Variants in ADAM18 observed in about 807,000 individuals in gnomAD.
ADAM18 encodes the protein ADAM metallopeptidase domain 18.
Under a neutral mutation model 94.4 loss-of-function variants are expected in ADAM18, and 117 were observed. That is an observed-to-expected ratio of 1.24 (90% CI 1.07 to 1.45). ADAM18 has a LOEUF of 1.45. ADAM18 is among the 40% of genes most tolerant of loss of function. The pLI is 0.00. For synonymous variants in ADAM18, 327 were observed against 291.6 expected, an observed-to-expected ratio of 1.12 and a Z score of -1.24; for missense variants, 936 against 880.0, an observed-to-expected ratio of 1.06 and a Z score of -0.81.
chr8:39,696,907 T>A (rs1198322357), intron 17 of ADAM18, among the ~76,000 whole-genome samples: 1 of 151,660 alleles, frequency 6.6e-6, no homozygotes, highest in African/African-American at 2.4e-5. Context: ...CAAAAAAGCA[T>A]CATTGGAATT....
intron 10 of ADAM18, among the ~76,000 whole-genome samples, chr8:39,644,695 A>G (rs1820329873): frequency 6.6e-6 from 1 of 152,090 alleles, no homozygotes; most frequent in Non-Finnish European, 1.5e-5. Context: ...CCAGCCCCCT[A>G]TACGTATACA....
At chr8:39,688,558 A>T (rs563403202) in intron 16 of ADAM18, among the ~76,000 whole-genome samples, 1 of 152,322 alleles carries the variant, frequency 6.6e-6, no homozygotes, top group Admixed American at 6.5e-5. Context: ...TGCAGAAGAC[A>T]TGACCTCATT....
At chr8:39,661,255 C>A (rs995128551) in intron 12 of ADAM18, among the ~76,000 whole-genome samples, 7 of 149,048 alleles carry the variant, frequency 4.7e-5, no homozygotes, top group Non-Finnish European at 8.9e-5. Context: ...TGGGTTCACG[C>A]CATTCTCCTG....
intron 16 of ADAM18, among the ~76,000 whole-genome samples, chr8:39,687,339 A>G (rs1821634069): frequency 6.6e-6 from 1 of 152,242 alleles, no homozygotes; most frequent in South Asian, 2.1e-4. Context: ...TCATCAATGT[A>G]TAACTTTAAA....
Position 39,606,373 on chromosome 8 carries a change from A to G in ADAM18, c.188+11A>G. 6.6e-7 allele frequency: 1 copy of G among 1,512,870 alleles called. No homozygotes were observed. Among genetic ancestry groups the G allele is most frequent in the African/African-American group, 1.4e-5 (1 of 70,808 alleles). The allele number at this position is 1,512,870 out of a possible 1,614,324, so 93.7% of individuals were successfully genotyped here. A position where few individuals can be genotyped will look rare whatever the true frequency, so the allele number is the denominator to read the frequency against. ...ACATCTCGGAAAACAGTAAGATATG[A>G]TTTTTTTTTCATTAAGGAAAAGGGA... On this transcript the variant is annotated intron_variant, in intron 3 of 19. Coordinates refer to ENST00000265707, the MANE Select transcript of ADAM18 (RefSeq NM_014237.3).
intron 16 of ADAM18, among the ~76,000 whole-genome samples, chr8:39,687,822 A>T (rs1229096286): frequency 6.6e-6 from 1 of 152,194 alleles, no homozygotes; most frequent in Non-Finnish European, 1.5e-5. Flanking sequence ...GTGTGACTGC[A>T]TAGTATTCCA....
intron 2 of ADAM18, among the ~76,000 whole-genome samples, chr8:39,590,828 A>G (rs1182140519): frequency 6.6e-6 from 1 of 152,188 alleles, no homozygotes; most frequent in Non-Finnish European, 1.5e-5. Context: ...GCAAGTCACA[A>G]ACTCTCTCAT....
At chr8:39,704,487 C>G (rs924465284) in intron 17 of ADAM18, among the ~76,000 whole-genome samples, 4 of 152,160 alleles carry the variant, frequency 2.6e-5, no homozygotes, top group South Asian at 4.1e-4. Context: ...GCAGAAAAGG[C>G]TTTTGATAAA....
intron 16 of ADAM18, among the ~76,000 whole-genome samples, chr8:39,682,573 C>T (rs1821494247): frequency 6.6e-6 from 1 of 152,134 alleles, no homozygotes; most frequent in Non-Finnish European, 1.5e-5. Flanking sequence ...AAGGAACTCC[C>T]AACATGAGCC....
intron 17 of ADAM18, among the ~76,000 whole-genome samples, chr8:39,693,210 T>A (rs574799281): frequency 6.6e-6 from 1 of 151,696 alleles, no homozygotes; most frequent in East Asian, 1.9e-4. Flanking sequence ...TTTTAAAAAA[T>A]TATTTTCCTA....
At chr8:39,698,684 G>C (rs1380141154) in intron 17 of ADAM18, among the ~76,000 whole-genome samples, 1 of 151,984 alleles carries the variant, frequency 6.6e-6, no homozygotes, top group Admixed American at 6.6e-5. Flanking sequence ...TAACAATGAT[G>C]GTAAGTTTTA....
At chr8:39,665,672 TC>T (rs1488948647) in intron 13 of ADAM18, among the ~76,000 whole-genome samples, 2 of 152,204 alleles carry the variant, frequency 1.3e-5, no homozygotes, top group African/African-American at 4.8e-5. Context: ...CTTTTAAAAA[TC>T]ATTTAAATCA....
intron 6 of ADAM18, among the ~76,000 whole-genome samples, chr8:39,627,121 A>G (rs1819792630): frequency 6.6e-6 from 1 of 152,140 alleles, no homozygotes; most frequent in South Asian, 2.1e-4. Context: ...GGATTATAAT[A>G]TCTTCTTGTT....
At chr8:39,629,310 A>G (rs1819865845) in intron 6 of ADAM18, 64 bp from the exon 7 acceptor site, 2 of 1,293,184 alleles carry the variant, frequency 1.5e-6, no homozygotes, top group East Asian at 5.1e-5. Flanking sequence ...TTTACATGTC[A>G]TCTTTTTCTC....
chr8:39,686,881 TA>T (rs1300148696), intron 16 of ADAM18, among the ~76,000 whole-genome samples: 1 of 152,246 alleles, frequency 6.6e-6, no homozygotes, highest in Non-Finnish European at 1.5e-5. Context: ...ATGTTTCCAT[TA>T]CTTTGTTTGG....
chr8:39,713,135 A>G (rs529055531), intron 18 of ADAM18, among the ~76,000 whole-genome samples: 1 of 152,110 alleles, frequency 6.6e-6, no homozygotes, highest in Admixed American at 6.6e-5. Context: ...AAATAACACC[A>G]CACATCTACA....
chr8:39,627,071 A>G (rs1819789908), intron 6 of ADAM18, among the ~76,000 whole-genome samples: 1 of 152,108 alleles, frequency 6.6e-6, no homozygotes, highest in Non-Finnish European at 1.5e-5. Context: ...TGAATGTGGG[A>G]GCACCAAAGT....
At chr8:39,585,157 G>C (rs2129457837) in intron 1 of ADAM18, 119 bp from the exon 2 acceptor site, 1 of 682,086 alleles carries the variant, frequency 1.5e-6, no homozygotes, top group Non-Finnish European at 2.6e-6. Context: ...GAGCACATGA[G>C]AGAACTTCTA....
chr8:39,667,514 A>G (rs968487205), intron 13 of ADAM18, among the ~76,000 whole-genome samples: 1 of 152,054 alleles, frequency 6.6e-6, no homozygotes, highest in African/African-American at 2.4e-5. Context: ...GTTCAATACT[A>G]ATAAGAACTC....
Sources: allele counts gnomAD v4.1 joint callset (sites outside exome capture counted in the v4.1 genomes callset), GRCh38; gene constraint gnomAD v4.1.1; transcripts MANE v1.5; gene names NCBI Gene and HGNC (gene_info 2026-07-23, HGNC 2026-07-21).